Variants in RNMT observed in about 807,000 individuals in gnomAD.
The protein encoded by RNMT is RNA guanine-7 methyltransferase.
In RNMT, 27 loss-of-function variants were observed where a neutral mutation model predicts 56.0. The ratio of observed to expected loss-of-function variants is 0.48; its 90% CI spans 0.36 to 0.67. RNMT has a LOEUF of 0.67. Ranked by LOEUF, RNMT falls within the 30% of genes least tolerant of loss-of-function variation. The pLI is 0.00. For synonymous variants in RNMT, 184 were observed against 176.2 expected (o/e 1.04, Z -0.35); for missense variants, 519 against 552.1 (o/e 0.94, Z 0.60).
Position 13,742,577 on chromosome 18 carries a change from G to C in RNMT, c.1064G>C (p.Gly355Ala). 6.2e-7 allele frequency: 1 copy of C among 1,613,210 alleles called. No homozygotes were observed. The highest frequency in any genetic ancestry group is 8.5e-7 in the Non-Finnish European group (1 of 1,179,434). ...FQKKGDYPLF[G>A]CKYDFNLEGV... is the part of the protein sequence containing the mutation. ...AAGAAAGGAGATTATCCTTTATTTG[G>C]CTGCAAATATGACTTCAACTTGGAA... is the stretch of plus-strand genomic sequence containing the variant. Residue 355 changes from glycine to alanine, a missense_variant, in exon 8 of 12, where the codon GGC becomes GCC. Physicochemically the swap from Gly to Ala is moderately conservative, Grantham distance 60. Transcript: ENST00000383314.
chr18:13,758,343 C>CT (rs2044575902), intron 11 of RNMT, among the ~76,000 whole-genome samples: 1 of 152,202 alleles, frequency 6.6e-6, no homozygotes, highest in Non-Finnish European at 1.5e-5. Context: ...AGAAGACTGT[C>CT]TCGTCTTCAT....
At position 13,741,423 on chromosome 18, in the gene RNMT, C is replaced by G. The variant is rs2044248868; in HGVS notation, c.793-87C>G. ...AAAGATTGTGAGGGAAAGGAAGAAC[C>G]TTACATTCTAGAAGTTAATTTACTA... On this transcript the variant is annotated intron_variant, in intron 6 of 11. Coordinates refer to ENST00000383314, the MANE Select transcript of RNMT (RefSeq NM_003799.3). 3.7e-6 allele frequency: 3 copies of G among 819,438 alleles called. No individual in the cohort carries two copies. The South Asian group carries it at 5.5e-5, about 15-fold the overall frequency. 50.8% of individuals were successfully genotyped at this position (819,438 alleles called of 1,614,324 possible). A position where few individuals can be genotyped will look rare whatever the true frequency, so the allele number is the denominator to read the frequency against.
intron 9 of RNMT, among the ~76,000 whole-genome samples, chr18:13,751,930 G>A (rs1266572551): frequency 6.6e-6 from 1 of 151,894 alleles, no homozygotes; most frequent in African/African-American, 2.4e-5. Flanking sequence ...AGAACACATG[G>A]ACACAGGAAG....
At chr18:13,737,241 GT>G (rs546096618) in intron 5 of RNMT, 106 bp downstream of exon 5, 34 of 1,042,688 alleles carry the variant, frequency 3.3e-5, no homozygotes, top group African/African-American at 6.6e-5. Context: ...CATGAGATGG[GT>G]TTTTTTTAAA....
chr18:13,744,160 T>TTTTTTTTTG (rs1491336050), intron 8 of RNMT, among the ~76,000 whole-genome samples: 1 of 34,580 alleles, frequency 2.9e-5, no homozygotes, highest in Non-Finnish European at 5.2e-5. Flanking sequence ...AGCGGTCTTC[T>TTTTTTTTTG]TTTTTTTTTT....
At chr18:13,736,250 C>T (rs1412155191) in intron 4 of RNMT, among the ~76,000 whole-genome samples, 2 of 152,248 alleles carry the variant, frequency 1.3e-5, no homozygotes, top group African/African-American at 2.4e-5. Flanking sequence ...ATAATACACA[C>T]CTGAAAGTGT....
intron 11 of RNMT, among the ~76,000 whole-genome samples, chr18:13,758,457 C>T (rs1392907479): frequency 6.6e-6 from 1 of 152,208 alleles, no homozygotes; most frequent in Non-Finnish European, 1.5e-5. Flanking sequence ...TCATCTTGCA[C>T]TTTTACATTA....
intron 7 of RNMT, 101 bp from the exon 8 acceptor site, chr18:13,742,387 T>A: frequency 2.9e-6 from 3 of 1,036,286 alleles, no homozygotes; most frequent in Non-Finnish European, 4.3e-6. Context: ...GCTAATCAAG[T>A]GTGCATCATG....
In RNMT at chr18:13,761,976, A is replaced by G; in HGVS notation, c.*1997A>G. 6.5e-7 allele frequency: 1 copy of G among 1,532,744 alleles called. No homozygotes were observed. Among genetic ancestry groups the G allele is most frequent in the Non-Finnish European group, 8.7e-7 (1 of 1,145,072 alleles). 94.9% of individuals were successfully genotyped at this position (1,532,744 alleles called of 1,614,324 possible). The stretch of plus-strand genomic sequence containing the variant: ...TATCCTCTCCGATCACCAAGGTGGA[A>G]GGGAGCTAGTAGGACTCTTCCTTGA... On this transcript the variant is annotated 3_prime_UTR_variant, in exon 12 of 12. Coordinates refer to ENST00000383314, the MANE Select transcript of RNMT (RefSeq NM_003799.3).
At chr18:13,733,559 G>A (rs2044110970) in intron 3 of RNMT, among the ~76,000 whole-genome samples, 1 of 152,098 alleles carries the variant, frequency 6.6e-6, no homozygotes, top group Non-Finnish European at 1.5e-5. Flanking sequence ...TGTATTTTTA[G>A]TAGAGATAGG....
intron 6 of RNMT, among the ~76,000 whole-genome samples, chr18:13,741,268 A>G (rs770174391): frequency 2.0e-5 from 3 of 152,230 alleles, no homozygotes; most frequent in Non-Finnish European, 4.4e-5. Context: ...GAAATGTCAT[A>G]ATTGACTAAT....
Position 13,760,617 on chromosome 18 carries a change from T to G in RNMT, c.*638T>G. The G allele has an allele frequency of 1.0e-6, 1 of 985,494 alleles. No individual in the cohort carries two copies. Among genetic ancestry groups the G allele is most frequent in the African/African-American group, 1.7e-5 (1 of 57,380 alleles). 61.0% of individuals were successfully genotyped at this position (985,494 alleles called of 1,614,324 possible). ...GTGGCAGCATAGAATTTTGGAATTTTGGGGCTTTCTTTTCAGAAATTGCTA... is the reference window on the plus strand; with the variant it reads ...GTGGCAGCATAGAATTTTGGAATTTGGGGGCTTTCTTTTCAGAAATTGCTA... On this transcript the variant is annotated 3_prime_UTR_variant, in exon 12 of 12. Transcript: ENST00000383314.
In RNMT at chr18:13,762,261, C is replaced by A; in HGVS notation, c.*2282C>A. The A allele has an allele frequency of 7.8e-7, 1 of 1,276,724 alleles. No individual in the cohort carries two copies. Among genetic ancestry groups the A allele is most frequent in the Non-Finnish European group, 1.1e-6 (1 of 947,760 alleles). The allele number at this position is 1,276,724 out of a possible 1,614,324, so 79.1% of individuals were successfully genotyped here. On this transcript the variant is annotated 3_prime_UTR_variant, in exon 12 of 12. Transcript: ENST00000383314. The stretch of plus-strand genomic sequence containing the variant: ...GGAACATGGCTGGATTGTGATTTAA[C>A]CAAGAATGCTGATGTTGAATTCTTT...
intron 8 of RNMT, among the ~76,000 whole-genome samples, chr18:13,743,358 AAATAAATAAATAAATC>A (rs2149094286): frequency 1.3e-5 from 2 of 150,532 alleles, no homozygotes; most frequent in East Asian, 3.9e-4. Context: ...ATAAATAAAT[AAATAAATAAATAAATC>A]AAAGATCCTC....
chr18:13,734,401 T>C (rs1214568117), intron 3 of RNMT, 63 bp from the exon 4 acceptor site: 1 of 1,475,474 alleles, frequency 6.8e-7, no homozygotes. Flanking sequence ...AGGTCAAATG[T>C]TCTGAGGCTT....
chr18:13,746,333 T>C lies in RNMT; in HGVS notation c.1253T>C (p.Leu418Ser), dbSNP rs2044352306. 6 of 1,470,246 alleles carry C rather than the reference T, an allele frequency of 4.1e-6. No individual in the cohort carries two copies. Among genetic ancestry groups the C allele is most frequent in the South Asian group, 2.4e-5 (2 of 84,380 alleles). 91.1% of individuals were successfully genotyped at this position (1,470,246 alleles called of 1,614,324 possible). A position where few individuals can be genotyped will look rare whatever the true frequency, so the allele number is the denominator to read the frequency against. ...NKMLLKRMQALEPYPANESSK... is the reference protein window; with the variant it reads ...NKMLLKRMQASEPYPANESSK... ...ATGCTCTTAAAACGAATGCAGGCCT[T>C]GGAGGTGAGTATTTAGAAAAGATGT... The change falls in exon 9 of 12, where the codon TTG becomes TCG. Residue 418 changes from leucine (L) to serine (S), a missense_variant. By Grantham distance (145) the Leu-to-Ser change is moderately radical. Coordinates refer to ENST00000383314, the MANE Select transcript of RNMT (RefSeq NM_003799.3).
intron 9 of RNMT, among the ~76,000 whole-genome samples, chr18:13,749,227 G>C (rs2044400343): frequency 6.6e-6 from 1 of 152,186 alleles, no homozygotes; most frequent in Non-Finnish European, 1.5e-5. Flanking sequence ...TGAAGAACAA[G>C]TTTACAACAA....
chr18:13,734,420 C>T lies in RNMT; in HGVS notation c.418-44C>T, dbSNP rs1428746532. On this transcript the variant is annotated intron_variant, in intron 3 of 11. Transcript: ENST00000383314. ...CAAATGTTCTGAGGCTTATTTTTAC[C>T]ATGTTCTGATCCTTGATTTTTTTCT... 7 of 1,550,090 alleles carry T rather than the reference C, an allele frequency of 4.5e-6. No homozygotes were observed. In the Admixed American group the frequency reaches 9.9e-5, roughly 22 times the overall value.
chr18:13,727,570 T>C (rs1028779526), intron 1 of RNMT, among the ~76,000 whole-genome samples: 2 of 152,246 alleles, frequency 1.3e-5, no homozygotes, highest in Non-Finnish European at 1.5e-5. Flanking sequence ...TTGGGATATT[T>C]GTCATCTCAA....
Sources: allele counts gnomAD v4.1 joint callset (sites outside exome capture counted in the v4.1 genomes callset), GRCh38; gene constraint gnomAD v4.1.1; transcripts MANE v1.5; gene names NCBI Gene and HGNC (gene_info 2026-07-23, HGNC 2026-07-21).